Variants in FAM169A observed in about 807,000 individuals in gnomAD.
FAM169A encodes the protein soluble lamin-associated protein of 75 kDa.
FAM169A carries 24 observed loss-of-function variants against 75.7 expected under a neutral mutation model. That is an observed-to-expected ratio of 0.32 (90% CI 0.23 to 0.45). The LOEUF is 0.45. Among genes scored for constraint, FAM169A ranks in the 20% least tolerant of loss-of-function variants. The probability of loss-of-function intolerance (pLI) is 1.00; values close to 1 mark genes in which losing one functional copy is unlikely to be tolerated. For missense variants in FAM169A, 673 were observed against 784.0 expected (o/e 0.86, Z 1.69); for synonymous variants, 271 against 271.0 (o/e 1.00, Z 0.00).
chr5:74,796,056 G>A lies in FAM169A; in HGVS notation c.1234C>T (p.Gln412Ter). ...DARPALETQP[Q>*]QEKQDGEKES... ...TTTTCACCATCTTGCTTCTCTTGCT[G>A]TGGCTGGGTTTCCAGTGCTGGCCGT... Residue 412 changes from glutamine (Q) to a stop codon, truncating the protein, a stop_gained, in exon 11 of 13, where the codon CAG (glutamine) becomes TAG (stop). Coordinates refer to ENST00000687041, the MANE Select transcript of FAM169A (RefSeq NM_001376049.1). LOFTEE classifies it high-confidence loss of function. 3 of 1,613,776 alleles carry A rather than the reference G, an allele frequency of 1.9e-6. No individual in the cohort carries two copies. The highest frequency in any genetic ancestry group is 2.5e-6 in the Non-Finnish European group (3 of 1,179,930).
intron 1 of FAM169A, among the ~76,000 whole-genome samples, chr5:74,846,096 C>T (rs998142775): frequency 3.3e-5 from 5 of 152,240 alleles, no homozygotes; most frequent in African/African-American, 1.2e-4. Context: ...CTCCTAATAT[C>T]AAATATCCAA....
chr5:74,845,769 T>A (rs1319771113), intron 1 of FAM169A, among the ~76,000 whole-genome samples: 2 of 152,158 alleles, frequency 1.3e-5, no homozygotes, highest in Non-Finnish European at 2.9e-5. Context: ...CCTATGAATT[T>A]CAAGAGAGAT....
At chr5:74,845,792 T>C (rs985338918) in intron 1 of FAM169A, among the ~76,000 whole-genome samples, 5 of 152,154 alleles carry the variant, frequency 3.3e-5, no homozygotes, top group Non-Finnish European at 7.3e-5. Context: ...ACCAGGAGCT[T>C]ATGCAAGTAA....
At chr5:74,825,201 T>C (rs541545254) in intron 5 of FAM169A, among the ~76,000 whole-genome samples, 1 of 152,276 alleles carries the variant, frequency 6.6e-6, no homozygotes, top group African/African-American at 2.4e-5. Context: ...TTCAAATACA[T>C]CAGGTATTCT....
intron 1 of FAM169A, among the ~76,000 whole-genome samples, chr5:74,853,630 A>C (rs1405230534): frequency 6.6e-6 from 1 of 151,996 alleles, no homozygotes. Flanking sequence ...CTTAGGAGTT[A>C]AGTGTTTTCA....
chr5:74,788,129 A>C (rs756315813), intron 11 of FAM169A, among the ~76,000 whole-genome samples: 4 of 152,200 alleles, frequency 2.6e-5, no homozygotes, highest in Non-Finnish European at 4.4e-5. Flanking sequence ...GCTGACGTTG[A>C]TTCCGGGGGA....
upstream of FAM169A, chr5:74,866,576 C>T: frequency 7.4e-6 from 4 of 539,714 alleles, no homozygotes; most frequent in Non-Finnish European, 9.5e-6. Flanking sequence ...ACGCGGCCCC[C>T]GCCTCGCCAC....
chr5:74,825,840 C>A (rs1040696336), intron 5 of FAM169A, among the ~76,000 whole-genome samples: 1 of 152,124 alleles, frequency 6.6e-6, no homozygotes, highest in Admixed American at 6.6e-5. Context: ...AATCTTTTCT[C>A]TATTCCAGAT....
intron 5 of FAM169A, among the ~76,000 whole-genome samples, chr5:74,829,939 C>G (rs1235499972): frequency 6.6e-6 from 1 of 152,066 alleles, no homozygotes; most frequent in Non-Finnish European, 1.5e-5. Flanking sequence ...TGCCACTGTA[C>G]TCCAGCCAGC....
intron 10 of FAM169A, chr5:74,799,058 A>G: frequency 3.9e-6 from 4 of 1,026,102 alleles, no homozygotes; most frequent in Non-Finnish European, 6.2e-6. Context: ...GATCGTACCC[A>G]GATTGCCCTC....
chr5:74,859,815 C>T (rs546066304), intron 1 of FAM169A, among the ~76,000 whole-genome samples: 1 of 151,784 alleles, frequency 6.6e-6, no homozygotes, highest in Non-Finnish European at 1.5e-5. Flanking sequence ...GCCAGGAGAT[C>T]AAGACCAGCC....
Position 74,796,078 on chromosome 5 carries a change from C to T in FAM169A, c.1212G>A (p.Arg404=), listed in dbSNP as rs1193500833. ...GCTGTGGCTGGGTTTCCAGTGCTGGCCGTGCATCTCTATCACTGCTTTCAT... is the reference window on the plus strand; with the variant it reads ...GCTGTGGCTGGGTTTCCAGTGCTGGTCGTGCATCTCTATCACTGCTTTCAT... ...FEDESSDRDA[R]PALETQPQQE... The change falls in exon 11 of 13, where the codon CGG becomes CGA. Residue 404 remains arginine (R), a synonymous_variant. Coordinates refer to ENST00000687041, the MANE Select transcript of FAM169A (RefSeq NM_001376049.1). The T allele has an allele frequency of 6.2e-7, 1 of 1,613,974 alleles. No individual in the cohort carries two copies. The highest frequency in any genetic ancestry group is 1.3e-5 in the African/African-American group (1 of 74,906).
chr5:74,790,150 C>T (rs564132673), intron 11 of FAM169A, among the ~76,000 whole-genome samples: 1 of 152,314 alleles, frequency 6.6e-6, no homozygotes, highest in Non-Finnish European at 1.5e-5. Flanking sequence ...CCTTCTTTTC[C>T]CTAGCCTGCA....
At position 74,865,272 on chromosome 5, in the gene FAM169A, T is replaced by C. The variant is rs1016253290; in HGVS notation, c.-4+893A>G. The C allele has an allele frequency of 3.3e-5, 5 of 152,338 alleles. No homozygotes were observed. In the South Asian group the frequency reaches 6.2e-4, roughly 19 times the overall value. The allele number at this position is 152,338 out of a possible 1,614,324, so 9.4% of individuals were successfully genotyped here. ...GAATCACAATGAAAACTTTCCCTTC[T>C]GGAAATTTTTTAGAAATATGTCCCT... On this transcript the variant is annotated intron_variant, in intron 1 of 12. Transcript: ENST00000687041.
chr5:74,822,978 C>A (rs1012525471), intron 5 of FAM169A, among the ~76,000 whole-genome samples: 6 of 152,184 alleles, frequency 3.9e-5, no homozygotes, highest in African/African-American at 1.4e-4. Flanking sequence ...GTTCCCTTCT[C>A]CACTCCTACT....
At chr5:74,866,512 C>G (rs1282515709), upstream of FAM169A, 1 of 638,342 alleles carries the variant, frequency 1.6e-6, no homozygotes, top group Non-Finnish European at 1.9e-6. Context: ...CCCTCCAGCC[C>G]CGGCTTTCAG....
intron 5 of FAM169A, among the ~76,000 whole-genome samples, chr5:74,819,020 G>A (rs1026983420): frequency 5.9e-5 from 9 of 152,112 alleles, no homozygotes; most frequent in African/African-American, 1.2e-4. Flanking sequence ...AGGAGTTCAA[G>A]ACCGGCGTGG....
At chr5:74,840,025 C>T (rs1393549628) in intron 3 of FAM169A, 49 bp downstream of exon 3, 2 of 954,504 alleles carry the variant, frequency 2.1e-6, no homozygotes, top group Non-Finnish European at 3.2e-6. Context: ...AAATTTCTAA[C>T]AGTTTGGAGA....
intron 1 of FAM169A, among the ~76,000 whole-genome samples, chr5:74,848,326 T>C (rs1749262783): frequency 6.6e-6 from 1 of 152,148 alleles, no homozygotes; most frequent in African/African-American, 2.4e-5. Flanking sequence ...ATTTGATAGA[T>C]GAAGAAACAG....
Sources: allele counts gnomAD v4.1 joint callset (sites outside exome capture counted in the v4.1 genomes callset), GRCh38; gene constraint gnomAD v4.1.1; transcripts MANE v1.5; gene names NCBI Gene and HGNC (gene_info 2026-07-23, HGNC 2026-07-21).